The following SZT2 variants were observed in gnomAD, a reference collection of about 807,000 sequenced individuals.
SZT2 encodes the protein KICSTOR complex protein SZT2.
A neutral mutation model predicts 404.2 loss-of-function variants in SZT2; 216 were observed. That is an observed-to-expected ratio of 0.53 (90% confidence interval 0.48 to 0.60). The LOEUF (loss-of-function observed/expected upper bound fraction) is 0.60, where lower values mean the gene tolerates loss of function less well. Ranked by LOEUF, SZT2 falls within the 20% of genes least tolerant of loss-of-function variation. SZT2 has a pLI of 0.00. For missense variants in SZT2, 3,857 were observed against 4,459.2 expected, an observed-to-expected ratio of 0.86 and a Z score of 3.85; for synonymous variants, 1,693 against 1,749.9, an observed-to-expected ratio of 0.97 and a Z score of 0.81.
chr1:43,448,833 C>A lies in SZT2; in HGVS notation c.10086+105C>A. On this transcript the variant is annotated intron_variant, in intron 70 of 71. Transcript: ENST00000634258. This position sits in a 1 kb window ranked among gnomAD's most constrained non-coding sequence, Gnocchi z 4.2. ...AAACAAGCTCTGCTCTGGAGGGAGG[C>A]CTAGACAGAACGGGACTACACAGAT... The A allele has an allele frequency of 3.7e-6, 4 of 1,083,824 alleles. No homozygotes were observed. The highest frequency in any genetic ancestry group is 4.3e-6 in the Non-Finnish European group (3 of 705,086). 67.1% of individuals were successfully genotyped at this position (1,083,824 alleles called of 1,614,324 possible).
At position 43,451,567 on chromosome 1, in the gene SZT2, G is replaced by A. The variant is rs1015141670; in HGVS notation, c.*1087G>A. Reference sequence around the variant, plus strand: ...GCCCTGGGGACAGATGTGGACAAATGTGGGGTCCAGGCTCCTGCCAGGGCC... The same window carrying A: ...GCCCTGGGGACAGATGTGGACAAATATGGGGTCCAGGCTCCTGCCAGGGCC... On this transcript the variant is annotated 3_prime_UTR_variant, in exon 72 of 72. Transcript: ENST00000634258. 5 of 1,613,476 alleles carry A rather than the reference G, an allele frequency of 3.1e-6. No individual in the cohort carries two copies. Among genetic ancestry groups the A allele is most frequent in the Non-Finnish European group, 4.2e-6 (5 of 1,179,564 alleles).
rs1031320144 is a variant in SZT2 at position 43,439,106 on chromosome 1, T to C, written c.6792+13T>C. 9.3e-6 allele frequency: 15 copies of C among 1,613,858 alleles called. No homozygotes were observed. In the Admixed American group the frequency reaches 1.3e-4, roughly 14 times the overall value. ...GAACCACTTCCAAGTGAGATGGCAC[T>C]CATCTCTCTCCACACTCATGTGCAC... On this transcript the variant is annotated intron_variant, in intron 48 of 71. Transcript: ENST00000634258. The surrounding 1 kb of genome is among the most constrained non-coding windows in gnomAD (Gnocchi z 4.2).
At position 43,453,739 on chromosome 1, in the gene SZT2, C is replaced by T. The variant is rs759823461; in HGVS notation, c.*3259C>T. On this transcript the variant is annotated 3_prime_UTR_variant, in exon 72 of 72. Coordinates refer to ENST00000634258, the MANE Select transcript of SZT2 (RefSeq NM_001365999.1). ...GCGGCCCGCACCCGCGCGGGGAGGCCGGAGAGCTCGGGGAATAGCCAGGAC... is the reference window on the plus strand; with the variant it reads ...GCGGCCCGCACCCGCGCGGGGAGGCTGGAGAGCTCGGGGAATAGCCAGGAC... The T allele has an allele frequency of 1.4e-6, 2 of 1,385,966 alleles. No individual in the cohort carries two copies. The highest frequency in any genetic ancestry group is 3.8e-5 in the Admixed American group (1 of 26,590). The allele number at this position is 1,385,966 out of a possible 1,614,324, so 85.9% of individuals were successfully genotyped here.
rs1409236882 is a variant in SZT2 at position 43,424,198 on chromosome 1, G to T, written c.2256-19G>T. On this transcript the variant is annotated intron_variant, in intron 15 of 71. Transcript: ENST00000634258. The surrounding 1 kb of genome is among the most constrained non-coding windows in gnomAD (Gnocchi z 4.1). ...GCCGGGGATGAGAGAGATAGCTGGG[G>T]AGTTGTCCCATTTCCTAGGTATGAG... 2.5e-6 allele frequency: 4 copies of T among 1,591,922 alleles called. No individual in the cohort carries two copies. Among genetic ancestry groups the T allele is most frequent in the Non-Finnish European group, 2.6e-6 (3 of 1,175,646 alleles).
chr1:43,423,338 G>A (rs766964287), intron 15 of SZT2, 22 bp downstream of exon 15: 45 of 1,517,952 alleles, frequency 3.0e-5, no homozygotes, highest in Non-Finnish European at 3.9e-5. Context: ...GGTGTGGAAG[G>A]GCGTGGCTTA....
chr1:43,437,696 C>T lies in SZT2; in HGVS notation c.6392C>T (p.Ala2131Val), dbSNP rs781172775. The T allele has an allele frequency of 1.9e-6, 3 of 1,614,116 alleles. No homozygotes were observed. The highest frequency in any genetic ancestry group is 2.2e-5 in the South Asian group (2 of 91,076). The stretch of plus-strand genomic sequence containing the variant: ...CAAGAGCCCATCTACTCTGAGGAAG[C>T]CTCGGCATGTATCACTCCCACTCTC... The part of the protein sequence containing the change: ...RSQEPIYSEE[A>V]SGPRSPLDMV... Residue 2131 changes from alanine (A) to valine (V), a missense_variant, in exon 45 of 72, where the codon GCC becomes GTC. By Grantham distance (64) the Ala-to-Val change is moderately conservative (BLOSUM62 0). This residue lies in a region of SZT2 where 261 missense variants were observed against 372.9 expected (regional missense o/e 0.70). Coordinates refer to ENST00000634258, the MANE Select transcript of SZT2 (RefSeq NM_001365999.1). This position sits in a 1 kb window ranked among gnomAD's most constrained non-coding sequence, Gnocchi z 5.3.
chr1:43,449,859 C>G (rs909643067), intron 70 of SZT2: 4 of 594,668 alleles, frequency 6.7e-6, no homozygotes, highest in Non-Finnish European at 1.2e-5. Context: ...GTGCCAGGCT[C>G]TGTGTGGGGC....
In SZT2 at chr1:43,424,736, CTCT is replaced by C. The variant is rs745445566; in HGVS notation, c.2472-42_2472-40del. 6.6e-7 allele frequency: 1 copy of C among 1,525,380 alleles called. No individual in the cohort carries two copies. Among genetic ancestry groups the C allele is most frequent in the Middle Eastern group, 1.7e-4 (1 of 5,762 alleles). 94.5% of individuals were successfully genotyped at this position (1,525,380 alleles called of 1,614,324 possible). On this transcript the variant is annotated intron_variant, in intron 16 of 71. Transcript: ENST00000634258. This position sits in a 1 kb window ranked among gnomAD's most constrained non-coding sequence, Gnocchi z 4.1. ...TGGGGAGAGCTTGTAGTCTCAGTGTCTCTTCTTCCCTTATCCTGGCCTTGCCCC... is the reference window on the plus strand; with the variant it reads ...TGGGGAGAGCTTGTAGTCTCAGTGTCTCTTCCCTTATCCTGGCCTTGCCCC...
At chr1:43,422,675 C>CCCCT in intron 13 of SZT2, 43 bp downstream of exon 13, 1 of 1,082,640 alleles carries the variant, frequency 9.2e-7, no homozygotes, top group Non-Finnish European at 1.2e-6. Context: ...CCCCCACCCC[C>CCCCT]CCGCCACCTC....
In SZT2 at chr1:43,416,611, C is replaced by T; in HGVS notation, c.849C>T (p.Arg283=). Residue 283 remains arginine, a synonymous_variant, in exon 7 of 72, where the codon CGC becomes CGT. Transcript: ENST00000634258. ...AVCETLLNQL[R]SGTVACSFVQ... ...GTGAGACACTGCTGAACCAGCTTCG[C>T]AGTGGCACTGTGGCTTGTTCCTTTG... The T allele has an allele frequency of 1.3e-6, 2 of 1,598,196 alleles. No homozygotes were observed. Among genetic ancestry groups the T allele is most frequent in the South Asian group, 1.1e-5 (1 of 90,984 alleles).
In SZT2 at chr1:43,427,077, C is replaced by T. The variant is rs762554689; in HGVS notation, c.3331C>T (p.Leu1111Phe). 1 of 1,614,168 alleles carries T rather than the reference C, an allele frequency of 6.2e-7. No individual in the cohort carries two copies. The highest frequency in any genetic ancestry group is 2.2e-5 in the East Asian group (1 of 44,878). The change falls in exon 24 of 72, where the codon CTC becomes TTC. Residue 1111 changes from leucine (L) to phenylalanine (F), a missense_variant. Transcript: ENST00000634258. The stretch of plus-strand genomic sequence containing the variant: ...ACAGAGTGTAGGTCTTCCTGAAACT[C>T]TCAAGCCTCTCATCTCTGCCCAGCC... ...TSLSVGLPETLKPLISAQPPQ... is the reference protein window; with the variant it reads ...TSLSVGLPETFKPLISAQPPQ...
At chr1:43,432,239 G>A (rs1225687747) in intron 36 of SZT2, 33 bp from the exon 37 acceptor site, 1 of 1,524,876 alleles carries the variant, frequency 6.6e-7, no homozygotes, top group Non-Finnish European at 8.8e-7. Flanking sequence ...GGACTGCCCT[G>A]CCTAAACTGT....
chr1:43,440,381 T>C, intron 51 of SZT2, 72 bp from the exon 52 acceptor site: 1 of 1,514,130 alleles, frequency 6.6e-7, no homozygotes. Flanking sequence ...GTCATACCAG[T>C]CTTGAGGTTC....
rs986539673 is a variant in SZT2, at chr1:43,450,835, C to T, written c.*355C>T. ...AGCTCCTCTGCCTGAATCCTGCCCC[C>T]TAGCCTTTGACCACTGTCAGCCACC... On this transcript the variant is annotated 3_prime_UTR_variant, in exon 72 of 72. Transcript: ENST00000634258. This position sits in a 1 kb window ranked among gnomAD's most constrained non-coding sequence, Gnocchi z 4.3. 3 of 710,984 alleles carry T rather than the reference C, an allele frequency of 4.2e-6. No individual in the cohort carries two copies. In the Admixed American group the frequency reaches 5.2e-5, roughly 12 times the overall value. 44.0% of individuals were successfully genotyped at this position (710,984 alleles called of 1,614,324 possible). A position where few individuals can be genotyped will look rare whatever the true frequency, so the allele number is the denominator to read the frequency against.
In SZT2 at chr1:43,450,762, C is replaced by T. The variant is rs1656296547; in HGVS notation, c.*282C>T. ...CCTTCTGGGGTACTCCTTTCGGCCC[C>T]CCTGGTAGAGTCTCGGGAGTTCACA... On this transcript the variant is annotated 3_prime_UTR_variant, in exon 72 of 72. Transcript: ENST00000634258. The surrounding 1 kb of genome is among the most constrained non-coding windows in gnomAD (Gnocchi z 4.3). 2 of 704,810 alleles carry T rather than the reference C, an allele frequency of 2.8e-6. No individual in the cohort carries two copies. Among genetic ancestry groups the T allele is most frequent in the South Asian group, 3.0e-5 (2 of 67,556 alleles). The allele number at this position is 704,810 out of a possible 1,614,324, so 43.7% of individuals were successfully genotyped here.
At chr1:43,397,150 G>A (rs912841009) in intron 1 of SZT2, among the ~76,000 whole-genome samples, 1 of 152,152 alleles carries the variant, frequency 6.6e-6, no homozygotes, top group African/African-American at 2.4e-5. Context: ...ACAATGTATA[G>A]GCCAGGTGTG....
chr1:43,425,158 G>T lies in SZT2; in HGVS notation c.2596G>T (p.Val866Phe). The change falls in exon 18 of 72, where the codon GTT becomes TTT. Residue 866 changes from valine (V) to phenylalanine (F), a missense_variant. Around this residue, in one of 7 missense-constraint regions of SZT2, gnomAD observed 1,725 missense variants for 1,881.0 expected, o/e 0.92. Coordinates refer to ENST00000634258, the MANE Select transcript of SZT2 (RefSeq NM_001365999.1). This position sits in a 1 kb window ranked among gnomAD's most constrained non-coding sequence, Gnocchi z 4.3. Reference protein sequence around the residue: ...QAAAEEKHTCVVQYILFPPHS... With the variant: ...QAAAEEKHTCFVQYILFPPHS... ...TGCAGCTGAAGAGAAGCACACCTGT[G>T]TTGTCCAGTACATCCTCTTCCCCCC... 1 of 1,614,186 alleles carries T rather than the reference G, an allele frequency of 6.2e-7. No homozygotes were observed. The highest frequency in any genetic ancestry group is 8.5e-7 in the Non-Finnish European group (1 of 1,180,024).
In SZT2 at chr1:43,424,685, G is replaced by T; in HGVS notation, c.2472-99G>T. ...GGGCCAGCAGCAGACTTGGCTCCTT[G>T]AGGACTGCTGGGAGGTGGGTGTATG... is the stretch of plus-strand genomic sequence containing the variant. On this transcript the variant is annotated intron_variant, in intron 16 of 71. Transcript: ENST00000634258. This position sits in a 1 kb window ranked among gnomAD's most constrained non-coding sequence, Gnocchi z 4.1. 1 of 1,089,554 alleles carries T rather than the reference G, an allele frequency of 9.2e-7. No individual in the cohort carries two copies. The highest frequency in any genetic ancestry group is 1.4e-5 in the South Asian group (1 of 72,644). 67.5% of individuals were successfully genotyped at this position (1,089,554 alleles called of 1,614,324 possible). A position where few individuals can be genotyped will look rare whatever the true frequency, so the allele number is the denominator to read the frequency against.
At position 43,452,394 on chromosome 1, in the gene SZT2, C is replaced by T. The variant is rs1235020981; in HGVS notation, c.*1914C>T. The T allele has an allele frequency of 1.6e-6, 2 of 1,217,276 alleles. No individual in the cohort carries two copies. The highest frequency in any genetic ancestry group is 5.0e-5 in the East Asian group (2 of 39,718). The allele number at this position is 1,217,276 out of a possible 1,614,324, so 75.4% of individuals were successfully genotyped here. Reference sequence around the variant, plus strand: ...CCTCTTCCAGGATTCCCTGACTGTGCCAGCCCTCGTCCGTCTCCCCAGGTC... The same window carrying T: ...CCTCTTCCAGGATTCCCTGACTGTGTCAGCCCTCGTCCGTCTCCCCAGGTC... On this transcript the variant is annotated 3_prime_UTR_variant, in exon 72 of 72. Transcript: ENST00000634258.
Sources: gnomAD v4.1 joint callset for allele counts (sites outside exome capture counted in the v4.1 genomes callset) on GRCh38, gnomAD v4.1.1 for gene constraint, gnomAD v4.1.1 regional missense constraint, Gnocchi (gnomAD v3.1) non-coding constraint, MANE v1.5 for transcripts, NCBI Gene and HGNC (gene_info 2026-07-23, HGNC 2026-07-21) for gene names.